C6orf89: variants seen among roughly 807,000 people sequenced by gnomAD.
C6orf89 encodes chromosome 6 open reading frame 89, also known as bombesin receptor-activated protein C6orf89.
Under a neutral mutation model 40.7 loss-of-function variants are expected in C6orf89, and 29 were observed. The ratio of observed to expected loss-of-function variants is 0.71; its 90% CI spans 0.53 to 0.97. The LOEUF (loss-of-function observed/expected upper bound fraction) is 0.97, where lower values mean the gene tolerates loss of function less well. Among genes scored for constraint, C6orf89 ranks in the 50% least tolerant of loss-of-function variants. The pLI, the probability that C6orf89 is intolerant of heterozygous loss-of-function variation, is 0.00. For synonymous variants in C6orf89, 165 were observed against 152.2 expected (o/e 1.08, Z -0.62); for missense variants, 392 against 429.1 (o/e 0.91, Z 0.76).
At chr6:36,895,936 A>G (rs190759056) in intron 2 of C6orf89, among the ~76,000 whole-genome samples, 5 of 152,320 alleles carry the variant, frequency 3.3e-5, no homozygotes, top group Admixed American at 3.3e-4. Context: ...TGTTTTCCAT[A>G]GTGGCTGTAC....
At chr6:36,909,796 A>G (rs1350022772) in intron 4 of C6orf89, among the ~76,000 whole-genome samples, 1 of 152,042 alleles carries the variant, frequency 6.6e-6, no homozygotes, top group Non-Finnish European at 1.5e-5. Context: ...AAAAAAAAAA[A>G]AAAAGTTTTT....
intron 4 of C6orf89, among the ~76,000 whole-genome samples, chr6:36,903,357 A>G (rs1351909426): frequency 6.6e-6 from 1 of 152,236 alleles, no homozygotes; most frequent in Non-Finnish European, 1.5e-5. Flanking sequence ...CAAATGGATT[A>G]TAGAATTTAT....
intron 3 of C6orf89, 108 bp downstream of exon 3, chr6:36,899,741 G>T (rs570219042): frequency 3.1e-5 from 35 of 1,121,814 alleles, no homozygotes; most frequent in Middle Eastern, 2.3e-4. Context: ...TGGTTTTTCC[G>T]TGAATAAATT....
intron 1 of C6orf89, among the ~76,000 whole-genome samples, chr6:36,893,089 C>G (rs532999897): frequency 6.6e-6 from 1 of 152,056 alleles, no homozygotes; most frequent in East Asian, 1.9e-4. Flanking sequence ...CCTCCGCCAC[C>G]GCGCCCGGCT....
upstream of C6orf89, among the ~76,000 whole-genome samples, chr6:36,881,034 G>A (rs9462236): frequency 0.14 from 20,685 of 152,134 alleles, 1,614 homozygotes; most frequent in East Asian, 0.27. Flanking sequence ...TTTATAGCTA[G>A]GTAAGGCCTG....
intron 1 of C6orf89, among the ~76,000 whole-genome samples, chr6:36,877,957 A>T (rs1444568786): frequency 2.6e-5 from 4 of 152,256 alleles, no homozygotes; most frequent in Non-Finnish European, 5.9e-5. Context: ...ATTTTAATGT[A>T]GTCCAACATA....
In C6orf89 at chr6:36,916,670, G is replaced by C. The variant is rs1021185692; in HGVS notation, c.825+96G>C. ...GGCCTTCCCTGCATATTGGCTTAGA[G>C]GGTTACAGGGTGAATTGAGGGGACA... On this transcript the variant is annotated intron_variant, in intron 7 of 8. Coordinates refer to ENST00000480824, the MANE Select transcript of C6orf89 (RefSeq NM_001286635.2). The C allele has an allele frequency of 2.0e-5, 30 of 1,470,100 alleles. No individual in the cohort carries two copies. The African/African-American group carries it at 4.2e-4, about 21-fold the overall frequency. 91.1% of individuals were successfully genotyped at this position (1,470,100 alleles called of 1,614,324 possible).
At chr6:36,906,652 C>T (rs12660916) in intron 4 of C6orf89, among the ~76,000 whole-genome samples, 10,899 of 152,174 alleles carry the variant, frequency 0.072, 402 homozygotes, top group South Asian at 0.1. Flanking sequence ...GAAATGATTT[C>T]TTGGGCTCTT....
In C6orf89 at chr6:36,926,798, C is replaced by T. The variant is rs1415740071; in HGVS notation, c.*3357C>T. On this transcript the variant is annotated 3_prime_UTR_variant, in exon 9 of 9. Coordinates refer to ENST00000480824, the MANE Select transcript of C6orf89 (RefSeq NM_001286635.2). ...TAAGTGGAGGCTTAGAGCAGTTAAC[C>T]GCTGGCAGGTAGGTAGCTGGTTCCA... The T allele has an allele frequency of 1.3e-5, 2 of 152,206 alleles. No individual in the cohort carries two copies. The highest frequency in any genetic ancestry group is 6.5e-5 in the Admixed American group (1 of 15,278). The allele number at this position is 152,206 out of a possible 1,614,324, so 9.4% of individuals were successfully genotyped here. A position where few individuals can be genotyped will look rare whatever the true frequency, so the allele number is the denominator to read the frequency against.
intron 7 of C6orf89, among the ~76,000 whole-genome samples, chr6:36,917,687 C>G (rs1278322221): frequency 2.0e-5 from 3 of 150,476 alleles, no homozygotes; most frequent in Non-Finnish European, 4.4e-5. Context: ...TGTCTGCCAG[C>G]ACTGGGGTGG....
rs1267930815 is a variant in C6orf89, at chr6:36,900,206, G to T, written c.189+573G>T. ...CTGGCCTTGTGTTTTGTTTTTTTTT[G>T]TTGTTTTTTTTTTGAGATGGAGTCA... On this transcript the variant is annotated intron_variant, in intron 3 of 8. Coordinates refer to ENST00000480824, the MANE Select transcript of C6orf89 (RefSeq NM_001286635.2). Among the ~76,000 whole-genome samples the T allele has an allele frequency of 3.4e-5, 5 of 147,752 alleles. No homozygotes were observed. The East Asian group carries it at 6.0e-4, about 18-fold the overall frequency.
chr6:36,891,983 A>G (rs1364864206), intron 1 of C6orf89, among the ~76,000 whole-genome samples: 1 of 152,242 alleles, frequency 6.6e-6, no homozygotes, highest in Non-Finnish European at 1.5e-5. Flanking sequence ...AAACAGGGCA[A>G]AAGAGAAGTT....
Position 36,901,318 on chromosome 6 carries a change from A to ATT in C6orf89, c.190-902_190-901dup, listed in dbSNP as rs1408790414. Among the ~76,000 whole-genome samples, 161 of 64,814 alleles carry ATT rather than the reference A, an allele frequency of 2.5e-3. 3 individuals carry two copies. Among genetic ancestry groups the ATT allele is most frequent in the Non-Finnish European group, 3.6e-3 (119 of 33,218 alleles). 42.5% of individuals were successfully genotyped at this position (64,814 alleles called of 152,430 possible). A position where few individuals can be genotyped will look rare whatever the true frequency, so the allele number is the denominator to read the frequency against. On this transcript the variant is annotated intron_variant, in intron 3 of 8. Coordinates refer to ENST00000480824, the MANE Select transcript of C6orf89 (RefSeq NM_001286635.2). ...TATTATTATTATTATTATTATTATTATTATTTTTTTTTTTTTTTTTTTTTT... is the reference window on the plus strand; with the variant it reads ...TATTATTATTATTATTATTATTATTATTTTATTTTTTTTTTTTTTTTTTTTTT...
chr6:36,876,428 TAAG>T (rs1416725543), intron 1 of C6orf89, among the ~76,000 whole-genome samples: 1 of 152,032 alleles, frequency 6.6e-6, no homozygotes, highest in Non-Finnish European at 1.5e-5. Flanking sequence ...AGGACTGTAA[TAAG>T]AAGCACACAG....
chr6:36,920,210 G>T (rs1762465787), intron 8 of C6orf89, among the ~76,000 whole-genome samples: 1 of 152,196 alleles, frequency 6.6e-6, no homozygotes, highest in Non-Finnish European at 1.5e-5. Flanking sequence ...TACCTTCTGT[G>T]TGGCTGCCAC....
intron 8 of C6orf89, among the ~76,000 whole-genome samples, chr6:36,922,576 A>T (rs1762549942): frequency 6.6e-6 from 1 of 152,152 alleles, no homozygotes; most frequent in African/African-American, 2.4e-5. Flanking sequence ...GAGTCAGTCG[A>T]CTTTGGGAAA....
At chr6:36,904,557 A>G (rs1761854376) in intron 4 of C6orf89, among the ~76,000 whole-genome samples, 1 of 152,240 alleles carries the variant, frequency 6.6e-6, no homozygotes. Context: ...AGAAAAGTTA[A>G]AAACACGTAA....
At chr6:36,881,405 GC>G (rs1163279614), upstream of C6orf89, among the ~76,000 whole-genome samples, 2 of 152,250 alleles carry the variant, frequency 1.3e-5, no homozygotes, top group African/African-American at 2.4e-5. Context: ...AGGCACGGTG[GC>G]CCATGCCTGT....
upstream of C6orf89, among the ~76,000 whole-genome samples, chr6:36,881,794 A>G (rs1774817411): frequency 6.6e-6 from 1 of 152,244 alleles, no homozygotes. Flanking sequence ...ACATTGGAAT[A>G]AAAGCACAAC....
Sources: allele counts gnomAD v4.1 joint callset (sites outside exome capture counted in the v4.1 genomes callset), GRCh38; gene constraint gnomAD v4.1.1; transcripts MANE v1.5; gene names NCBI Gene and HGNC (gene_info 2026-07-23, HGNC 2026-07-21).